SYNDIG1: variants seen among roughly 807,000 people sequenced by gnomAD.
The protein encoded by SYNDIG1 is synapse differentiation-inducing gene protein 1.
A neutral mutation model predicts 19.4 loss-of-function variants in SYNDIG1; 9 were observed. The ratio of observed to expected loss-of-function variants is 0.46; its 90% CI spans 0.28 to 0.81. The LOEUF is 0.81. Among genes scored for constraint, SYNDIG1 ranks in the 30% least tolerant of loss-of-function variants. The pLI is 0.12. For missense variants in SYNDIG1, 311 were observed against 343.3 expected (o/e 0.91, Z 0.74); for synonymous variants, 141 against 145.9 (o/e 0.97, Z 0.24).
chr20:24,536,479 C>T (rs995369129), intron 1 of SYNDIG1, among the ~76,000 whole-genome samples: 5 of 152,148 alleles, frequency 3.3e-5, no homozygotes, highest in Non-Finnish European at 7.3e-5. Context: ...CACTAAGAAG[C>T]GCTGTCTGTC....
intron 1 of SYNDIG1, among the ~76,000 whole-genome samples, chr20:24,504,322 C>A (rs1200727436): frequency 6.6e-6 from 1 of 152,160 alleles, no homozygotes; most frequent in Non-Finnish European, 1.5e-5. Flanking sequence ...TGTTTCACTG[C>A]AGTGTAGATT....
At chr20:24,568,573 G>A (rs2058091525) in intron 2 of SYNDIG1, among the ~76,000 whole-genome samples, 1 of 152,186 alleles carries the variant, frequency 6.6e-6, no homozygotes, top group Non-Finnish European at 1.5e-5. Flanking sequence ...TACTAACCTT[G>A]AGGAGAGTTT....
chr20:24,474,944 A>G (rs991498083), intron 1 of SYNDIG1, among the ~76,000 whole-genome samples: 2 of 152,216 alleles, frequency 1.3e-5, no homozygotes, highest in Non-Finnish European at 2.9e-5. Context: ...GTTTTATTCC[A>G]TTGCCTCAAC....
intron 3 of SYNDIG1, among the ~76,000 whole-genome samples, chr20:24,637,077 G>C (rs370133243): frequency 6.6e-6 from 1 of 152,216 alleles, no homozygotes; most frequent in East Asian, 1.9e-4. Flanking sequence ...CTGCAGCCAC[G>C]GGCAGGGCCC....
intron 3 of SYNDIG1, among the ~76,000 whole-genome samples, chr20:24,606,030 G>A (rs548199276): frequency 6.6e-6 from 1 of 152,340 alleles, no homozygotes; most frequent in South Asian, 2.1e-4. Context: ...GAGGACTTCT[G>A]TGCAGGTCCT....
intron 1 of SYNDIG1, among the ~76,000 whole-genome samples, chr20:24,480,447 T>C (rs1232447585): frequency 1.3e-5 from 2 of 152,228 alleles, no homozygotes; most frequent in Non-Finnish European, 2.9e-5. Flanking sequence ...TTAGGATGGC[T>C]ACTGTCAAAA....
At chr20:24,559,099 A>G (rs2057883920) in intron 2 of SYNDIG1, among the ~76,000 whole-genome samples, 1 of 152,188 alleles carries the variant, frequency 6.6e-6, no homozygotes. Flanking sequence ...CTATTAATGG[A>G]TAATTGGATT....
chr20:24,660,058 C>T (rs1391072982), intron 3 of SYNDIG1, among the ~76,000 whole-genome samples: 3 of 152,132 alleles, frequency 2.0e-5, no homozygotes, highest in Non-Finnish European at 4.4e-5. Flanking sequence ...AGTCCGGCTT[C>T]GTTTGTTCAT....
In SYNDIG1 at chr20:24,474,762, A is replaced by T. The variant is rs868609601; in HGVS notation, c.-79+5009A>T. 3.0e-4 allele frequency among the ~76,000 whole-genome samples: 46 copies of T among 152,360 alleles called. 2 individuals carry two copies. The Middle Eastern group carries it at 0.01, about 34-fold the overall frequency. ...TAAATTTCTATTTTGAACAATTCTT[A>T]GGTCTCCAACAAGTTCAGTTGTAAT... On this transcript the variant is annotated intron_variant, in intron 1 of 3. Coordinates refer to ENST00000376862, the MANE Select transcript of SYNDIG1 (RefSeq NM_024893.3).
At chr20:24,569,528 G>C (rs774380179) in intron 2 of SYNDIG1, among the ~76,000 whole-genome samples, 5 of 152,186 alleles carry the variant, frequency 3.3e-5, no homozygotes, top group Non-Finnish European at 7.3e-5. Flanking sequence ...AAGGGTCTCA[G>C]CTAGGAAGGG....
intron 3 of SYNDIG1, among the ~76,000 whole-genome samples, chr20:24,602,070 T>G (rs1369463676): frequency 6.6e-6 from 1 of 152,144 alleles, no homozygotes; most frequent in East Asian, 1.9e-4. Context: ...TATGTTTCAA[T>G]CACCTGCCAA....
chr20:24,617,647 CTG>C (rs977411932), intron 3 of SYNDIG1, among the ~76,000 whole-genome samples: 1 of 151,994 alleles, frequency 6.6e-6, no homozygotes, highest in Non-Finnish European at 1.5e-5. Context: ...ATTTTGTCCT[CTG>C]AGATTTACCA....
At chr20:24,580,455 G>C (rs193143297) in intron 2 of SYNDIG1, among the ~76,000 whole-genome samples, 1 of 152,208 alleles carries the variant, frequency 6.6e-6, no homozygotes, top group South Asian at 2.1e-4. Flanking sequence ...CTGTTGCCCC[G>C]GCTGGAGTGC....
chr20:24,476,396 G>C (rs903598921), intron 1 of SYNDIG1, among the ~76,000 whole-genome samples: 14 of 152,020 alleles, frequency 9.2e-5, no homozygotes, highest in African/African-American at 2.9e-4. Flanking sequence ...GGCCGGGCGC[G>C]GTGGCTTACG....
At chr20:24,478,645 G>A (rs997524005) in intron 1 of SYNDIG1, among the ~76,000 whole-genome samples, 1 of 152,346 alleles carries the variant, frequency 6.6e-6, no homozygotes, top group East Asian at 1.9e-4. Flanking sequence ...CCAGCTTCCA[G>A]CAAGCCCCAG....
rs1054158493 is a variant in SYNDIG1, at chr20:24,666,285, C to G, written c.*781C>G. The G allele has an allele frequency of 3.9e-5, 6 of 152,650 alleles. No individual in the cohort carries two copies. The highest frequency in any genetic ancestry group is 2.9e-5 in the Non-Finnish European group (2 of 68,076). 9.5% of individuals were successfully genotyped at this position (152,650 alleles called of 1,614,324 possible). A position where few individuals can be genotyped will look rare whatever the true frequency, so the allele number is the denominator to read the frequency against. The stretch of plus-strand genomic sequence containing the variant: ...GAGCCCCGCGGTTGCTCCGGAAACT[C>G]GAGGCACTGCAGCTATGGGCACTGC... On this transcript the variant is annotated 3_prime_UTR_variant, in exon 4 of 4. Transcript: ENST00000376862.
intron 3 of SYNDIG1, among the ~76,000 whole-genome samples, chr20:24,633,211 AT>A (rs1237063302): frequency 6.6e-6 from 1 of 152,180 alleles, no homozygotes. Context: ...CAGACCCAGA[AT>A]GTCCTGGCCG....
chr20:24,627,027 C>T (rs1044439081), intron 3 of SYNDIG1, among the ~76,000 whole-genome samples: 1 of 151,820 alleles, frequency 6.6e-6, no homozygotes, highest in South Asian at 2.1e-4. Flanking sequence ...ATGGCAGCAG[C>T]ACAGTCCAGC....
At chr20:24,501,572 G>C (rs1248329526) in intron 1 of SYNDIG1, among the ~76,000 whole-genome samples, 1 of 152,220 alleles carries the variant, frequency 6.6e-6, no homozygotes, top group Non-Finnish European at 1.5e-5. Flanking sequence ...GCTGGGTTCA[G>C]ATTCCAGCCT....
Sources: gnomAD v4.1 joint callset for allele counts (sites outside exome capture counted in the v4.1 genomes callset) on GRCh38, gnomAD v4.1.1 for gene constraint, MANE v1.5 for transcripts, NCBI Gene and HGNC (gene_info 2026-07-23, HGNC 2026-07-21) for gene names.